The following KARS1 variants were observed in gnomAD, a reference collection of about 807,000 sequenced individuals.
The protein encoded by KARS1 is lysyl-tRNA synthetase 1, also known as lysine--tRNA ligase.
A neutral mutation model predicts 63.9 loss-of-function variants in KARS1; 50 were observed. The ratio of observed to expected loss-of-function variants is 0.78; its 90% CI spans 0.62 to 0.99. The LOEUF (loss-of-function observed/expected upper bound fraction) is 0.99. KARS1 is among the 50% of genes least tolerant of loss of function. The pLI is 0.00. For missense variants in KARS1, 816 were observed against 754.5 expected (o/e 1.08, Z -0.95); for synonymous variants, 320 against 264.6 (o/e 1.21, Z -2.03).
intron 3 of KARS1, among the ~76,000 whole-genome samples, chr16:75,636,807 T>C (rs1420157640): frequency 2.1e-5 from 3 of 145,044 alleles, no homozygotes; most frequent in African/African-American, 5.0e-5. Flanking sequence ...CTAATTTTTC[T>C]TTTTTTTTTT....
chr16:75,634,099 A>C lies in KARS1; in HGVS notation c.915+74T>G, dbSNP rs757474004. ...ACTCTCTCTGTTCCTCTTATTTCTG[A>C]CTATACCCATCTAGCCAGTGGTATT... On this transcript the variant is annotated intron_variant, in intron 7 of 13. Transcript: ENST00000302445. 6.0e-6 allele frequency: 9 copies of C among 1,500,008 alleles called. No homozygotes were observed. In the Admixed American group the frequency reaches 6.7e-5, roughly 11 times the overall value. The allele number at this position is 1,500,008 out of a possible 1,614,324, so 92.9% of individuals were successfully genotyped here.
Position 75,641,555 on chromosome 16 carries a change from G to A in KARS1, c.222+9C>T. The A allele has an allele frequency of 6.2e-7, 1 of 1,612,416 alleles. No homozygotes were observed. Among genetic ancestry groups the A allele is most frequent in the Non-Finnish European group, 8.5e-7 (1 of 1,179,204 alleles). On this transcript the variant is annotated intron_variant, in intron 2 of 13. Transcript: ENST00000302445. ...GTGCCCAACCATGCTGGTGGCCCAG[G>A]GAACTCACATTTGGGTCCACGCTCT...
intron 3 of KARS1, among the ~76,000 whole-genome samples, chr16:75,639,150 A>G (rs2082195381): frequency 6.6e-6 from 1 of 152,198 alleles, no homozygotes; most frequent in African/African-American, 2.4e-5. Flanking sequence ...CCTGGGGGAC[A>G]AGAGCAAGAC....
intron 7 of KARS1, among the ~76,000 whole-genome samples, chr16:75,632,606 G>C (rs2082125421): frequency 1.3e-5 from 2 of 152,204 alleles, no homozygotes; most frequent in Admixed American, 1.3e-4. Context: ...GCAATGACTT[G>C]TGCCTAGTGC....
chr16:75,643,910 T>C (rs2082252431), intron 1 of KARS1, among the ~76,000 whole-genome samples: 1 of 152,110 alleles, frequency 6.6e-6, no homozygotes, highest in Non-Finnish European at 1.5e-5. Context: ...TTAAATCAAA[T>C]CAATCTTAAG....
At chr16:75,642,433 C>T (rs761936349) in intron 1 of KARS1, among the ~76,000 whole-genome samples, 2 of 152,050 alleles carry the variant, frequency 1.3e-5, no homozygotes, top group Admixed American at 6.5e-5. Flanking sequence ...AACTCCTTTC[C>T]TCAAGTGATC....
chr16:75,628,421 C>T, intron 13 of KARS1, 148 bp downstream of exon 13: 1 of 887,494 alleles, frequency 1.1e-6, no homozygotes, highest in South Asian at 1.4e-5. Context: ...GGCTCTGGCC[C>T]TCCTGTGAGT....
At chr16:75,633,208 C>A (rs535411463) in intron 7 of KARS1, among the ~76,000 whole-genome samples, 4 of 152,120 alleles carry the variant, frequency 2.6e-5, no homozygotes, top group East Asian at 3.8e-4. Flanking sequence ...CAGGGTCGGC[C>A]GCAATGACAA....
In KARS1 at chr16:75,635,968, G is replaced by C. The variant is rs200848719; in HGVS notation, c.613C>G (p.Leu205Val). The change falls in exon 5 of 14, where the codon CTG (leucine) becomes GTG (valine). Residue 205 changes from leucine (L) to valine (V), a missense_variant. Transcript: ENST00000302445. ...AACATATGCAAACAGGGAGACAGCA[G>C]TGTGATCTCATACGGAATGATGCTC... ...ELSIIPYEIT[L>V]LSPCLHMLPH... 5 of 1,614,170 alleles carry C rather than the reference G, an allele frequency of 3.1e-6. No individual in the cohort carries two copies. In the South Asian group the frequency reaches 4.4e-5, roughly 14 times the overall value.
chr16:75,634,381 G>T, intron 6 of KARS1, 89 bp from the exon 7 acceptor site: 2 of 1,325,372 alleles, frequency 1.5e-6, no homozygotes, highest in Non-Finnish European at 1.1e-6. Flanking sequence ...GTCTAAGCCT[G>T]TTATACCCCA....
Position 75,636,483 on chromosome 16 carries a change from C to A in KARS1, c.453G>T (p.Gly151=). 1 of 1,613,208 alleles carries A rather than the reference C, an allele frequency of 6.2e-7. No homozygotes were observed. Among genetic ancestry groups the A allele is most frequent in the Non-Finnish European group, 8.5e-7 (1 of 1,179,194 alleles). The part of the protein sequence containing the change: ...KLIFYDLRGE[G]VKLQVMANSR... ...AATTGGCCATGACTTGCAACTTCAC[C>A]CCCTCTCCTCGAAGATCATAGAAGA... Residue 151 remains glycine (G), a synonymous_variant, in exon 4 of 14, where the codon GGG becomes GGT. Coordinates refer to ENST00000302445, the MANE Select transcript of KARS1 (RefSeq NM_005548.3).
chr16:75,636,259 T>G (rs1282656045), intron 4 of KARS1, among the ~76,000 whole-genome samples, 161 bp from the exon 5 acceptor site: 15 of 152,204 alleles, frequency 9.9e-5, no homozygotes, highest in Admixed American at 9.8e-4. Flanking sequence ...ATCCTTTACT[T>G]TACTGTCATA....
chr16:75,631,680 G>C lies in KARS1; in HGVS notation c.1078+13C>G, dbSNP rs769757729. 2.5e-6 allele frequency: 4 copies of C among 1,614,180 alleles called. No homozygotes were observed. Among genetic ancestry groups the C allele is most frequent in the South Asian group, 2.2e-5 (2 of 91,084 alleles). On this transcript the variant is annotated intron_variant, in intron 8 of 13. Transcript: ENST00000302445. ...CCAACCACCCGATGAGTATGAGAGAGAGCAGGAGTCACCTGAAACCATCTT... is the reference window on the plus strand; with the variant it reads ...CCAACCACCCGATGAGTATGAGAGACAGCAGGAGTCACCTGAAACCATCTT...
chr16:75,628,842 G>A (rs1022191261), intron 12 of KARS1, 130 bp from the exon 13 acceptor site: 8 of 971,384 alleles, frequency 8.2e-6, no homozygotes, highest in African/African-American at 1.6e-5. Flanking sequence ...AGGACTTGCT[G>A]GGAATTCATT....
At chr16:75,637,861 C>A (rs1182587579) in intron 3 of KARS1, among the ~76,000 whole-genome samples, 1 of 107,820 alleles carries the variant, frequency 9.3e-6, no homozygotes, top group African/African-American at 3.6e-5. Context: ...CCTTCTAGGA[C>A]AAGACCGTAA....
intron 1 of KARS1, among the ~76,000 whole-genome samples, chr16:75,645,331 T>C (rs2082268927): frequency 6.6e-6 from 1 of 152,196 alleles, no homozygotes; most frequent in Admixed American, 6.5e-5. Flanking sequence ...TGAGTTCAGA[T>C]CCGTGCTCCA....
chr16:75,644,173 G>C, intron 1 of KARS1: 1 of 957,658 alleles, frequency 1.0e-6, no homozygotes, highest in South Asian at 1.6e-5. Context: ...AGGGCTCCTT[G>C]TTTCCTTAGC....
At chr16:75,647,482 AGGCCCC>A (rs1300707421) in intron 1 of KARS1, 90 bp downstream of exon 1, 1 of 1,150,838 alleles carries the variant, frequency 8.7e-7, no homozygotes, top group Non-Finnish European at 1.3e-6. Context: ...GCCGGCAAGA[AGGCCCC>A]GGCACAGCAG....
At chr16:75,641,444 A>G in intron 2 of KARS1, 120 bp downstream of exon 2, 3 of 815,450 alleles carry the variant, frequency 3.7e-6, no homozygotes, top group Non-Finnish European at 4.0e-6. Flanking sequence ...ACCCTCCCTT[A>G]TCCCTGGCAG....
Sources: gnomAD v4.1 joint callset for allele counts (sites outside exome capture counted in the v4.1 genomes callset) on GRCh38, gnomAD v4.1.1 for gene constraint, MANE v1.5 for transcripts, NCBI Gene and HGNC (gene_info 2026-07-23, HGNC 2026-07-21) for gene names.